ULK1: variants seen among roughly 807,000 people sequenced by gnomAD.
The protein encoded by ULK1 is unc-51 like autophagy activating kinase 1.
ULK1 carries 48 observed loss-of-function variants against 117.5 expected under a neutral mutation model. The observed-to-expected ratio is 0.41, with a 90% confidence interval of 0.32 to 0.52. ULK1 has a LOEUF of 0.52. Among genes scored for constraint, ULK1 ranks in the 20% least tolerant of loss-of-function variants. The pLI is 0.29. For synonymous variants in ULK1, 790 were observed against 637.8 expected (o/e 1.24, Z -3.60); for missense variants, 1,387 against 1,473.4 (o/e 0.94, Z 0.96).
At chr12:131,920,231 A>G (rs1305236033) in intron 26 of ULK1, 95 bp downstream of exon 26, 6 of 1,473,870 alleles carry the variant, frequency 4.1e-6, no homozygotes, top group Non-Finnish European at 5.5e-6. Flanking sequence ...CAGCGTGGTG[A>G]GACTTTGGGG....
chr12:131,910,405 C>T, intron 11 of ULK1, 101 bp downstream of exon 11: 1 of 1,540,222 alleles, frequency 6.5e-7, no homozygotes, highest in Non-Finnish European at 9.0e-7. Context: ...GGGAGCAGGT[C>T]TTGAGCTGCG....
chr12:131,901,199 A>G (rs573177487), intron 3 of ULK1, among the ~76,000 whole-genome samples: 2 of 151,864 alleles, frequency 1.3e-5, no homozygotes, highest in African/African-American at 4.8e-5. Context: ...TCTCTACTAA[A>G]AGTACAAAAA....
intron 16 of ULK1, 86 bp from the exon 17 acceptor site, chr12:131,914,997 A>T: frequency 6.7e-7 from 1 of 1,490,858 alleles, no homozygotes; most frequent in Non-Finnish European, 8.9e-7. Flanking sequence ...CCCTCCTAAT[A>T]CCTGCCTTGT....
At chr12:131,919,632 G>C in intron 25 of ULK1, 42 bp downstream of exon 25, 1 of 1,594,186 alleles carries the variant, frequency 6.3e-7, no homozygotes, top group Non-Finnish European at 8.6e-7. Flanking sequence ...GGGTTGGGGA[G>C]GAAGCCCACC....
chr12:131,907,761 C>T (rs1196014671), intron 5 of ULK1, among the ~76,000 whole-genome samples: 1 of 152,156 alleles, frequency 6.6e-6, no homozygotes, highest in Non-Finnish European at 1.5e-5. Context: ...CTTGAGGAGA[C>T]AGCTGTGACC....
At chr12:131,907,268 A>G (rs1593264014) in intron 4 of ULK1, among the ~76,000 whole-genome samples, 1 of 152,152 alleles carries the variant, frequency 6.6e-6, no homozygotes, top group African/African-American at 2.4e-5. Context: ...CGATCTGCCC[A>G]CCTTGGCCTC....
At position 131,919,547 on chromosome 12, in the gene ULK1, G is replaced by T. The variant is rs1890054833; in HGVS notation, c.2760G>T (p.Gln920His). Residue 920 changes from glutamine to histidine, a missense_variant, in exon 25 of 28, where the codon CAG becomes CAT. Gln to His is a conservative substitution (Grantham distance 24). This residue lies in a region of ULK1 where 900 missense variants were observed against 858.9 expected (regional missense o/e 1.05). Transcript: ENST00000321867. The part of the protein sequence containing the change: ...LSSGLQSAID[Q>H]IRAGKLCLSS... ...CCGGCCTGCAAAGTGCCATCGACCA[G>T]ATCCGGGCCGGCAAGCTCTGCCTGT... is the stretch of plus-strand genomic sequence containing the variant. 1 of 1,612,228 alleles carries T rather than the reference G, an allele frequency of 6.2e-7. No individual in the cohort carries two copies. Among genetic ancestry groups the T allele is most frequent in the Non-Finnish European group, 8.5e-7 (1 of 1,179,626 alleles).
chr12:131,913,709 AAC>A (rs377557642), intron 14 of ULK1, 36 bp from the exon 15 acceptor site: 60,632 of 962,412 alleles, frequency 0.063, 47 homozygotes, highest in East Asian at 0.22. Flanking sequence ...CCCCAAAAAA[AAC>A]AAAAAAATGC....
intron 23 of ULK1, among the ~76,000 whole-genome samples, chr12:131,918,900 G>GT (rs1890008973): frequency 9.2e-6 from 1 of 109,208 alleles, no homozygotes; most frequent in African/African-American, 4.3e-5. Flanking sequence ...TGTAGGGTGT[G>GT]GGGTGTAGGG....
At chr12:131,895,341 C>T (rs1331310378) in intron 1 of ULK1, among the ~76,000 whole-genome samples, 2 of 151,106 alleles carry the variant, frequency 1.3e-5, no homozygotes, top group Admixed American at 1.3e-4. Flanking sequence ...CCCAGATCCT[C>T]ACTCCGAGAC....
At position 131,921,641 on chromosome 12, in the gene ULK1, C is replaced by G. The variant is rs1370890824; in HGVS notation, c.*280C>G. On this transcript the variant is annotated 3_prime_UTR_variant, in exon 28 of 28. Transcript: ENST00000321867. ...CCTGGCTCAGCAGGCGTGGGTGCCACCACCCTCTAGCCCCAGGGCAGCCCC... is the reference window on the plus strand; with the variant it reads ...CCTGGCTCAGCAGGCGTGGGTGCCAGCACCCTCTAGCCCCAGGGCAGCCCC... The G allele has an allele frequency of 1.6e-6, 1 of 611,116 alleles. No homozygotes were observed. Among genetic ancestry groups the G allele is most frequent in the Non-Finnish European group, 2.9e-6 (1 of 343,864 alleles). 37.9% of individuals were successfully genotyped at this position (611,116 alleles called of 1,614,324 possible). A position where few individuals can be genotyped will look rare whatever the true frequency, so the allele number is the denominator to read the frequency against.
rs1362551513 is a variant in ULK1 at position 131,922,294 on chromosome 12, C to T, written c.*933C>T. 2 of 344,344 alleles carry T rather than the reference C, an allele frequency of 5.8e-6. No individual in the cohort carries two copies. The highest frequency in any genetic ancestry group is 7.8e-5 in the East Asian group (1 of 12,848). The allele number at this position is 344,344 out of a possible 1,614,324, so 21.3% of individuals were successfully genotyped here. A position where few individuals can be genotyped will look rare whatever the true frequency, so the allele number is the denominator to read the frequency against. On this transcript the variant is annotated 3_prime_UTR_variant, in exon 28 of 28. Coordinates refer to ENST00000321867, the MANE Select transcript of ULK1 (RefSeq NM_003565.4). ...GGCGGGCGGGTGAGGCTGCTTTGCACACCTGTGTTGGTGGCTGTCCCCTGC... is the reference window on the plus strand; with the variant it reads ...GGCGGGCGGGTGAGGCTGCTTTGCATACCTGTGTTGGTGGCTGTCCCCTGC...
chr12:131,901,800 G>A (rs574481531), intron 3 of ULK1, among the ~76,000 whole-genome samples: 11 of 152,164 alleles, frequency 7.2e-5, no homozygotes, highest in African/African-American at 2.2e-4. Context: ...AGTTTTTACT[G>A]GGGTGTGCGC....
chr12:131,910,600 T>A (rs1331259581), intron 11 of ULK1, 112 bp from the exon 12 acceptor site: 44 of 1,602,266 alleles, frequency 2.7e-5, no homozygotes, highest in Admixed American at 8.4e-5. Context: ...CTGGTCGGGG[T>A]GTAGCCGGAA....
In ULK1 at chr12:131,916,610, C is replaced by T. The variant is rs748527386; in HGVS notation, c.2072+19C>T. The T allele has an allele frequency of 1.9e-6, 3 of 1,542,044 alleles. No homozygotes were observed. Among genetic ancestry groups the T allele is most frequent in the Admixed American group, 2.1e-5 (1 of 47,210 alleles). On this transcript the variant is annotated intron_variant, in intron 20 of 27. Transcript: ENST00000321867. ...TTGGCCGGTGAGTTGAGGGGACAGG[C>T]CTTGGACGGGCTTCTGAGGGGCAGC...
chr12:131,917,828 A>G (rs1380003759), intron 22 of ULK1, among the ~76,000 whole-genome samples: 1 of 152,224 alleles, frequency 6.6e-6, no homozygotes, highest in African/African-American at 2.4e-5. Context: ...TGAGGTGAGC[A>G]GGGACGGTGT....
At chr12:131,906,999 G>C in intron 4 of ULK1, 75 bp downstream of exon 4, 1 of 1,593,238 alleles carries the variant, frequency 6.3e-7, no homozygotes, top group Non-Finnish European at 8.6e-7. Context: ...GAGGGACATG[G>C]CTGGGGGGAG....
chr12:131,910,231 C>T (rs1889474098), intron 10 of ULK1, 23 bp from the exon 11 acceptor site: 1 of 1,613,362 alleles, frequency 6.2e-7, no homozygotes, highest in Non-Finnish European at 8.5e-7. Context: ...CTCCTGAGGC[C>T]TCACTCCTCC....
At chr12:131,915,811 A>G (rs1189209522) in intron 18 of ULK1, 80 bp from the exon 19 acceptor site, 5 of 1,568,942 alleles carry the variant, frequency 3.2e-6, no homozygotes, top group Middle Eastern at 1.7e-4. Flanking sequence ...GTCTACCCCA[A>G]GGGGCTCCGT....
Sources: allele counts gnomAD v4.1 joint callset (sites outside exome capture counted in the v4.1 genomes callset), GRCh38; gene constraint gnomAD v4.1.1; regional missense constraint gnomAD v4.1.1; transcripts MANE v1.5; gene names NCBI Gene and HGNC (gene_info 2026-07-23, HGNC 2026-07-21).